HSPA4: variants seen among roughly 807,000 people sequenced by gnomAD.
The protein encoded by HSPA4 is heat shock protein family A (Hsp70) member 4, also known as heat shock 70 kDa protein 4.
In HSPA4, 25 loss-of-function variants were observed where a neutral mutation model predicts 106.2. The ratio of observed to expected loss-of-function variants is 0.24; its 90% CI spans 0.17 to 0.33. The LOEUF (loss-of-function observed/expected upper bound fraction) is 0.33, where lower values mean the gene tolerates loss of function less well. HSPA4 is among the 10% of genes least tolerant of loss of function. HSPA4 has a pLI of 1.00. For synonymous variants in HSPA4, 332 were observed against 333.6 expected (o/e 1.00, Z 0.05); for missense variants, 841 against 996.0 (o/e 0.84, Z 2.10).
intron 7 of HSPA4, among the ~76,000 whole-genome samples, chr5:133,077,284 G>T (rs1251345858): frequency 6.6e-6 from 1 of 152,074 alleles, no homozygotes; most frequent in Admixed American, 6.5e-5. Context: ...TTTTGCCCAG[G>T]CTGGAGTAAA....
chr5:133,064,558 C>A (rs1212047126), intron 1 of HSPA4, among the ~76,000 whole-genome samples: 2 of 151,820 alleles, frequency 1.3e-5, no homozygotes, highest in Non-Finnish European at 2.9e-5. Flanking sequence ...TACTTTTTTA[C>A]TTATTTAATA....
intron 1 of HSPA4, among the ~76,000 whole-genome samples, chr5:133,052,576 T>G (rs1158769114): frequency 6.6e-6 from 1 of 152,172 alleles, no homozygotes; most frequent in Non-Finnish European, 1.5e-5. Flanking sequence ...TTTTCCCCGG[T>G]GGCCCGTCGG....
intron 12 of HSPA4, 48 bp from the exon 13 acceptor site, chr5:133,092,652 G>T: frequency 8.3e-7 from 1 of 1,200,254 alleles, no homozygotes. Flanking sequence ...TGTAATGAAG[G>T]TTGTTTAGTC....
chr5:133,052,443 C>A, intron 1 of HSPA4, 86 bp downstream of exon 1: 1 of 948,358 alleles, frequency 1.1e-6, no homozygotes, highest in Non-Finnish European at 1.5e-6. Context: ...TTGGGGAACG[C>A]GGGCCGAGGA....
chr5:133,070,320 G>C, intron 3 of HSPA4, 54 bp from the exon 4 acceptor site: 1 of 1,554,778 alleles, frequency 6.4e-7, no homozygotes, highest in Non-Finnish European at 8.7e-7. Context: ...TTTAGGACTA[G>C]GACATGAAGA....
In HSPA4 at chr5:133,080,176, C is replaced by T. The variant is rs1765495881; in HGVS notation, c.908+3278C>T. ...CACCTGTAATCCTAGCACTTTGGGACGTCGAGGTGGGCGGATGGCTTGAGC... is the reference window on the plus strand; with the variant it reads ...CACCTGTAATCCTAGCACTTTGGGATGTCGAGGTGGGCGGATGGCTTGAGC... On this transcript the variant is annotated intron_variant, in intron 7 of 18. Coordinates refer to ENST00000304858, the MANE Select transcript of HSPA4 (RefSeq NM_002154.4). 2.0e-5 allele frequency among the ~76,000 whole-genome samples: 3 copies of T among 151,082 alleles called. No homozygotes were observed. In the South Asian group the frequency reaches 6.3e-4, roughly 32 times the overall value.
intron 7 of HSPA4, among the ~76,000 whole-genome samples, chr5:133,082,805 T>C (rs1366932443): frequency 6.6e-6 from 1 of 152,050 alleles, no homozygotes; most frequent in Non-Finnish European, 1.5e-5. Context: ...GCATGTAAAT[T>C]ATATTGCAAT....
rs1581485580 is a variant in HSPA4 at position 133,106,162 on chromosome 5, G to GT, written c.*1726_*1727insT. On this transcript the variant is annotated 3_prime_UTR_variant, in exon 19 of 19. Transcript: ENST00000304858. ...TTTTGGTGTGTGTGTGTGTGTGTGT[G>GT]GGGAAGGGTGTGGGTGCTGGGATGG... 2 of 126,242 alleles carry GT rather than the reference G, an allele frequency of 1.6e-5. No individual in the cohort carries two copies. Among genetic ancestry groups the GT allele is most frequent in the East Asian group, 2.4e-4 (1 of 4,196 alleles). 7.8% of individuals were successfully genotyped at this position (126,242 alleles called of 1,614,324 possible).
intron 1 of HSPA4, among the ~76,000 whole-genome samples, chr5:133,064,069 GCA>G (rs1346447953): frequency 2.6e-5 from 4 of 152,332 alleles, no homozygotes; most frequent in East Asian, 3.9e-4. Context: ...TTAAGCGTAA[GCA>G]CAGAGTTTTT....
At chr5:133,074,603 T>C (rs983836712) in intron 6 of HSPA4, among the ~76,000 whole-genome samples, 3 of 152,168 alleles carry the variant, frequency 2.0e-5, no homozygotes, top group African/African-American at 7.2e-5. Flanking sequence ...ATGTAGTTCC[T>C]TGGTGAATTT....
chr5:133,061,856 A>G (rs1327581759), intron 1 of HSPA4, among the ~76,000 whole-genome samples: 1 of 150,472 alleles, frequency 6.6e-6, no homozygotes, highest in South Asian at 2.1e-4. Flanking sequence ...CTGATCTTGA[A>G]CTCCTGACCT....
chr5:133,079,207 C>T (rs1300041359), intron 7 of HSPA4, among the ~76,000 whole-genome samples: 1 of 152,060 alleles, frequency 6.6e-6, no homozygotes, highest in East Asian at 1.9e-4. Context: ...AGTAAATTCA[C>T]AGGGTTGTGC....
intron 8 of HSPA4, 60 bp from the exon 9 acceptor site, chr5:133,088,344 G>GGT: frequency 8.2e-7 from 1 of 1,218,146 alleles, no homozygotes; most frequent in Non-Finnish European, 1.2e-6. Flanking sequence ...ATTTCATCAT[G>GGT]GTAAGATGTT....
chr5:133,076,617 G>T (rs1218882038), intron 6 of HSPA4, 37 bp from the exon 7 acceptor site: 5 of 1,581,308 alleles, frequency 3.2e-6, no homozygotes, highest in East Asian at 4.5e-5. Flanking sequence ...AAAATCGATT[G>T]GTTAATTGTT....
At position 133,067,452 on chromosome 5, in the gene HSPA4, T is replaced by C. The variant is rs767952276; in HGVS notation, c.201T>C (p.Phe67=). 4 of 1,613,620 alleles carry C rather than the reference T, an allele frequency of 2.5e-6. No individual in the cohort carries two copies. In the South Asian group the frequency reaches 4.4e-5, roughly 18 times the overall value. ...ISNAKNTVQG[F]KRFHGRAFSD... is the part of the protein sequence containing the mutation. The stretch of plus-strand genomic sequence containing the variant: ...ATGCAAAGAACACAGTCCAAGGATT[T>C]AAAAGATTCCATGGCCGAGCATTCT... Residue 67 remains phenylalanine, a synonymous_variant, in exon 3 of 19, where the codon TTT becomes TTC. Transcript: ENST00000304858.
chr5:133,104,140 T>A, intron 18 of HSPA4, 93 bp from the exon 19 acceptor site: 1 of 1,430,076 alleles, frequency 7.0e-7, no homozygotes, highest in Non-Finnish European at 9.7e-7. Flanking sequence ...AGGTTGAGGA[T>A]TGGGTGGTGG....
At chr5:133,077,496 C>A (rs1053675379) in intron 7 of HSPA4, among the ~76,000 whole-genome samples, 1 of 152,150 alleles carries the variant, frequency 6.6e-6, no homozygotes, top group Non-Finnish European at 1.5e-5. Context: ...CCTCAGCCTC[C>A]CAAAGTATGA....
intron 7 of HSPA4, among the ~76,000 whole-genome samples, chr5:133,083,429 A>G (rs1044547021): frequency 1.3e-5 from 2 of 152,230 alleles, no homozygotes; most frequent in African/African-American, 2.4e-5. Flanking sequence ...AGAATTTTAC[A>G]GTAAATGTCC....
At chr5:133,068,141 C>T (rs1208009064) in intron 3 of HSPA4, among the ~76,000 whole-genome samples, 2 of 152,092 alleles carry the variant, frequency 1.3e-5, no homozygotes, top group South Asian at 2.1e-4. Context: ...ATTCCCCTGC[C>T]TCAGCCTCCC....
Sources: allele counts gnomAD v4.1 joint callset (sites outside exome capture counted in the v4.1 genomes callset), GRCh38; gene constraint gnomAD v4.1.1; transcripts MANE v1.5; gene names NCBI Gene and HGNC (gene_info 2026-07-23, HGNC 2026-07-21).